Variants in EPB41L4A observed in about 807,000 individuals in gnomAD.
EPB41L4A encodes erythrocyte membrane protein band 4.1 like 4A, also known as band 4.1-like protein 4A.
Under a neutral mutation model 108.6 loss-of-function variants are expected in EPB41L4A, and 100 were observed. The observed-to-expected ratio is 0.92, with a 90% confidence interval of 0.78 to 1.09. The LOEUF (loss-of-function observed/expected upper bound fraction) is 1.09. Ranked by LOEUF, EPB41L4A falls within the 50% of genes least tolerant of loss-of-function variation. EPB41L4A has a pLI of 0.00. For synonymous variants in EPB41L4A, 319 were observed against 289.0 expected (o/e 1.10, Z -1.05); for missense variants, 1,030 against 842.7 (o/e 1.22, Z -2.75).
In EPB41L4A at chr5:112,259,962, C is replaced by G. The variant is rs745918922; in HGVS notation, c.660G>C (p.Glu220Asp). 6.2e-7 allele frequency: 1 copy of G among 1,613,942 alleles called. No homozygotes were observed. Among genetic ancestry groups the G allele is most frequent in the African/African-American group, 1.3e-5 (1 of 75,062 alleles). Residue 220 changes from glutamate (E) to aspartate (D), a missense_variant, in exon 8 of 23, where the codon GAG becomes GAC. Physicochemically the swap from Glu to Asp is conservative, Grantham distance 45. Coordinates refer to ENST00000261486, the MANE Select transcript of EPB41L4A (RefSeq NM_022140.5). ...CAACCGGAGTTAATCCTAAGAAATACTCAGACTTGTTTTCTCCCTGCAAAA... is the reference window on the plus strand; with the variant it reads ...CAACCGGAGTTAATCCTAAGAAATAGTCAGACTTGTTTTCTCCCTGCAAAA... ...LHPVYGENKS[E>D]YFLGLTPVGV...
At chr5:112,396,183 G>A (rs928019978) in intron 1 of EPB41L4A, among the ~76,000 whole-genome samples, 2 of 151,916 alleles carry the variant, frequency 1.3e-5, no homozygotes, top group Non-Finnish European at 1.5e-5. Context: ...AACCAACATG[G>A]CACATGTATA....
intron 12 of EPB41L4A, chr5:112,228,221 T>C (rs1367253041): frequency 6.6e-6 from 1 of 152,188 alleles, no homozygotes; most frequent in East Asian, 1.9e-4. Flanking sequence ...TATAATAAAA[T>C]TAATTGCTAG....
intron 12 of EPB41L4A, among the ~76,000 whole-genome samples, chr5:112,232,709 T>C (rs1749044653): frequency 6.6e-6 from 1 of 152,132 alleles, no homozygotes; most frequent in Admixed American, 6.5e-5. Flanking sequence ...GTTAATATTG[T>C]TACTAAAAAT....
intron 1 of EPB41L4A, among the ~76,000 whole-genome samples, chr5:112,350,753 T>A (rs1757985566): frequency 6.6e-6 from 1 of 152,206 alleles, no homozygotes; most frequent in South Asian, 2.1e-4. Context: ...CTGACTTACT[T>A]CACTCAGTGA....
chr5:112,292,470 C>A (rs1239340710), intron 2 of EPB41L4A, among the ~76,000 whole-genome samples: 4 of 152,112 alleles, frequency 2.6e-5, no homozygotes, highest in African/African-American at 4.8e-5. Flanking sequence ...AACTCATAGT[C>A]CAGAAGGGAA....
intron 9 of EPB41L4A, among the ~76,000 whole-genome samples, chr5:112,245,072 A>G (rs781711218): frequency 2.0e-5 from 3 of 152,096 alleles, no homozygotes; most frequent in Non-Finnish European, 4.4e-5. Flanking sequence ...TGTAAAAAAA[A>G]CACAGTATCT....
chr5:112,260,017 C>A, intron 7 of EPB41L4A, 38 bp from the exon 8 acceptor site: 1 of 1,364,840 alleles, frequency 7.3e-7, no homozygotes, highest in Non-Finnish European at 1.0e-6. Context: ...CACATATTCA[C>A]ATAAAATCTC....
At chr5:112,256,750 A>G (rs1312814801) in intron 9 of EPB41L4A, 1 of 152,212 alleles carries the variant, frequency 6.6e-6, no homozygotes, top group Admixed American at 6.5e-5. Flanking sequence ...ATGTATAAAT[A>G]TATATACATT....
chr5:112,234,755 A>G lies in EPB41L4A; in HGVS notation c.966T>C (p.Ser322=). The change falls in exon 12 of 23, where the codon AGT becomes AGC. Residue 322 remains serine (S), a splice_region_variant and synonymous_variant. Coordinates refer to ENST00000261486, the MANE Select transcript of EPB41L4A (RefSeq NM_022140.5). ...FGSIRYKHRY[S]GRTALQMSRD... ...GGCTCATTTGCAAAGCTGTCCTGCC[A>G]CTTGAGAGTGCAACATTTTGATTAG... The G allele has an allele frequency of 6.2e-7, 1 of 1,609,580 alleles. No homozygotes were observed. The highest frequency in any genetic ancestry group is 8.5e-7 in the Non-Finnish European group (1 of 1,177,072).
At chr5:112,296,985 A>G (rs1754028268) in intron 2 of EPB41L4A, among the ~76,000 whole-genome samples, 1 of 126,412 alleles carries the variant, frequency 7.9e-6, no homozygotes, top group African/African-American at 3.7e-5. Context: ...ACATATATAC[A>G]TACATACACA....
chr5:112,252,757 C>T lies in EPB41L4A; in HGVS notation c.795+6472G>A, dbSNP rs551391276. 5.3e-5 allele frequency among the ~76,000 whole-genome samples: 8 copies of T among 152,000 alleles called. No individual in the cohort carries two copies. The South Asian group carries it at 1.2e-3, about 24-fold the overall frequency. On this transcript the variant is annotated intron_variant, in intron 9 of 22. Coordinates refer to ENST00000261486, the MANE Select transcript of EPB41L4A (RefSeq NM_022140.5). ...GGTACTAAGCTCACTGCCTGGGTGA[C>T]GGGATCATTAGGACCCCAAGCCTCA...
At chr5:112,311,210 C>T (rs548117520) in intron 1 of EPB41L4A, among the ~76,000 whole-genome samples, 5 of 152,234 alleles carry the variant, frequency 3.3e-5, no homozygotes, top group African/African-American at 7.2e-5. Flanking sequence ...CAATCTACCA[C>T]CTTCATTTTC....
At chr5:112,415,955 CTG>C (rs1346195530) in intron 1 of EPB41L4A, among the ~76,000 whole-genome samples, 1 of 150,104 alleles carries the variant, frequency 6.7e-6, no homozygotes, top group African/African-American at 2.5e-5. Context: ...TGCAAAGATA[CTG>C]TGTTTTATTT....
chr5:112,200,753 T>C (rs1028712985), intron 15 of EPB41L4A, among the ~76,000 whole-genome samples: 2 of 152,202 alleles, frequency 1.3e-5, no homozygotes, highest in Non-Finnish European at 2.9e-5. Context: ...CAGATGTTTA[T>C]ATGTATTTAA....
At chr5:112,161,499 CCATT>C (rs1247883058), downstream of EPB41L4A, 2 of 519,008 alleles carry the variant, frequency 3.9e-6, no homozygotes, top group Non-Finnish European at 7.7e-6. Flanking sequence ...TTTGTGTTGC[CCATT>C]CACTTTGGAA....
chr5:112,368,570 C>A (rs1368430008), intron 1 of EPB41L4A, among the ~76,000 whole-genome samples: 3 of 152,110 alleles, frequency 2.0e-5, no homozygotes, highest in Non-Finnish European at 2.9e-5. Flanking sequence ...ATCTCTAATT[C>A]CAGACGCCTC....
At chr5:112,217,556 C>T (rs1747741256) in intron 12 of EPB41L4A, among the ~76,000 whole-genome samples, 1 of 152,020 alleles carries the variant, frequency 6.6e-6, no homozygotes, top group Non-Finnish European at 1.5e-5. Flanking sequence ...TTTTAATTAG[C>T]CAGGCATGGT....
At chr5:112,375,657 G>T (rs928832900) in intron 1 of EPB41L4A, among the ~76,000 whole-genome samples, 1 of 152,160 alleles carries the variant, frequency 6.6e-6, no homozygotes, top group South Asian at 2.1e-4. Flanking sequence ...TGCTCCTCAG[G>T]CCCTTGAGGT....
chr5:112,306,743 G>A lies in EPB41L4A; in HGVS notation c.204+643C>T, dbSNP rs541154484. 3.3e-5 allele frequency among the ~76,000 whole-genome samples: 5 copies of A among 152,126 alleles called. No homozygotes were observed. The South Asian group carries it at 8.3e-4, about 25-fold the overall frequency. On this transcript the variant is annotated intron_variant, in intron 2 of 22. Coordinates refer to ENST00000261486, the MANE Select transcript of EPB41L4A (RefSeq NM_022140.5). ...AAGTCACATTAATAAATATCCTTTC[G>A]TCCTTCAAAATCTTCATCTCCAAAG...
Sources: allele counts gnomAD v4.1 joint callset (sites outside exome capture counted in the v4.1 genomes callset), GRCh38; gene constraint gnomAD v4.1.1; transcripts MANE v1.5; gene names NCBI Gene and HGNC (gene_info 2026-07-23, HGNC 2026-07-21).